The following GPC6 variants were observed in gnomAD, a reference collection of about 807,000 sequenced individuals.
GPC6 encodes the protein glypican 6.
A neutral mutation model predicts 55.2 loss-of-function variants in GPC6; 14 were observed. The ratio of observed to expected loss-of-function variants is 0.25; its 90% CI spans 0.17 to 0.40. GPC6 has a LOEUF of 0.40. Among genes scored for constraint, GPC6 ranks in the 10% least tolerant of loss-of-function variants. The probability of loss-of-function intolerance (pLI) is 1.00; values close to 1 mark genes in which losing one functional copy is unlikely to be tolerated. For missense variants in GPC6, 641 were observed against 708.5 expected, an observed-to-expected ratio of 0.90 and a Z score of 1.08; for synonymous variants, 278 against 259.6, an observed-to-expected ratio of 1.07 and a Z score of -0.68.
At chr13:93,739,148 C>T (rs536069216) in intron 2 of GPC6, among the ~76,000 whole-genome samples, 168 of 152,222 alleles carry the variant, frequency 1.1e-3, no homozygotes, top group African/African-American at 4.0e-3. Context: ...CCCGCAGTGC[C>T]TTTCCCATTA....
chr13:94,133,288 A>AAAAAAC (rs1566447239), intron 4 of GPC6, among the ~76,000 whole-genome samples: 10 of 127,440 alleles, frequency 7.8e-5, no homozygotes, highest in African/African-American at 1.7e-4. Context: ...AAAAAAAAAA[A>AAAAAAC]AAAACCTTAA....
intron 3 of GPC6, among the ~76,000 whole-genome samples, chr13:93,995,224 G>T (rs1348105729): frequency 6.7e-6 from 1 of 149,394 alleles, no homozygotes; most frequent in African/African-American, 2.5e-5. Context: ...GTCTCGCTGT[G>T]TCGCCCAGGC....
intron 2 of GPC6, among the ~76,000 whole-genome samples, chr13:93,654,893 G>A (rs1566471026): frequency 6.7e-6 from 1 of 149,040 alleles, no homozygotes; most frequent in Non-Finnish European, 1.5e-5. Context: ...CTGGAGTGCA[G>A]TGGCGCGATC....
At chr13:93,399,189 G>A (rs113242751) in intron 1 of GPC6, among the ~76,000 whole-genome samples, 7 of 152,274 alleles carry the variant, frequency 4.6e-5, no homozygotes, top group African/African-American at 7.2e-5. Flanking sequence ...TTGATGGTGC[G>A]TGTTCTGAAT....
At chr13:93,918,061 G>A (rs1316038807) in intron 3 of GPC6, among the ~76,000 whole-genome samples, 3 of 150,846 alleles carry the variant, frequency 2.0e-5, no homozygotes, top group African/African-American at 7.3e-5. Context: ...CATGCCACTG[G>A]ACTTCATCCT....
At chr13:94,292,148 A>T (rs144256299) in intron 5 of GPC6, among the ~76,000 whole-genome samples, 20 of 152,342 alleles carry the variant, frequency 1.3e-4, no homozygotes, top group African/African-American at 4.8e-4. Context: ...TTTCGCAAAG[A>T]CAGAAAAGTT....
chr13:94,079,855 C>T (rs1885045650), intron 4 of GPC6, among the ~76,000 whole-genome samples: 1 of 152,184 alleles, frequency 6.6e-6, no homozygotes, highest in Non-Finnish European at 1.5e-5. Context: ...ATCTTTACTT[C>T]CCCAGCTTGT....
At chr13:93,744,510 A>T (rs956127783) in intron 2 of GPC6, among the ~76,000 whole-genome samples, 1 of 138,978 alleles carries the variant, frequency 7.2e-6, no homozygotes, top group Non-Finnish European at 1.5e-5. Flanking sequence ...GTCTTCCTCC[A>T]AACCTGCTTT....
At chr13:93,728,006 C>G (rs997808243) in intron 2 of GPC6, among the ~76,000 whole-genome samples, 1 of 152,234 alleles carries the variant, frequency 6.6e-6, no homozygotes, top group Non-Finnish European at 1.5e-5. Flanking sequence ...ACCCTCTTCA[C>G]TCCCATCAAC....
intron 2 of GPC6, among the ~76,000 whole-genome samples, chr13:93,734,388 G>A (rs113609253): frequency 8.5e-5 from 13 of 152,142 alleles, no homozygotes; most frequent in Non-Finnish European, 1.8e-4. Context: ...AGACATGGTA[G>A]AACCTGAGCA....
intron 5 of GPC6, among the ~76,000 whole-genome samples, chr13:94,299,191 T>C (rs898247403): frequency 6.6e-5 from 10 of 151,326 alleles, no homozygotes; most frequent in Admixed American, 6.5e-4. Flanking sequence ...TTAGATTTGA[T>C]TTATTAACCA....
chr13:93,523,859 A>G (rs1052654764), intron 1 of GPC6, among the ~76,000 whole-genome samples: 6 of 152,004 alleles, frequency 3.9e-5, no homozygotes, highest in Non-Finnish European at 7.4e-5. Flanking sequence ...ACATCTCCCC[A>G]TAGACCAGGT....
intron 1 of GPC6, among the ~76,000 whole-genome samples, chr13:93,319,490 T>C (rs890209345): frequency 1.3e-5 from 2 of 152,114 alleles, no homozygotes; most frequent in African/African-American, 4.8e-5. Context: ...GCTATTACTG[T>C]CAGAGCTAAT....
chr13:93,972,973 GTC>G (rs144858036), intron 3 of GPC6, among the ~76,000 whole-genome samples: 2 of 141,496 alleles, frequency 1.4e-5, no homozygotes, highest in Non-Finnish European at 1.6e-5. Context: ...CTCCCTCTCT[GTC>G]TCTCTCTCTC....
chr13:93,267,911 TA>T (rs999843052), intron 1 of GPC6, among the ~76,000 whole-genome samples: 4 of 152,210 alleles, frequency 2.6e-5, no homozygotes, highest in Non-Finnish European at 2.9e-5. Flanking sequence ...AATGTGTCAT[TA>T]TAGCTCTCTC....
At chr13:93,727,998 C>T (rs1338306284) in intron 2 of GPC6, among the ~76,000 whole-genome samples, 1 of 152,018 alleles carries the variant, frequency 6.6e-6, no homozygotes, top group Non-Finnish European at 1.5e-5. Context: ...CAGCTGAAAC[C>T]CTCTTCACTC....
At chr13:93,946,517 T>C (rs1166128332) in intron 3 of GPC6, among the ~76,000 whole-genome samples, 1 of 152,186 alleles carries the variant, frequency 6.6e-6, no homozygotes, top group African/African-American at 2.4e-5. Context: ...GCTTACAAAA[T>C]TCATGAAAAT....
At chr13:94,280,717 G>A (rs940425395) in intron 4 of GPC6, among the ~76,000 whole-genome samples, 9 of 152,098 alleles carry the variant, frequency 5.9e-5, no homozygotes, top group African/African-American at 2.2e-4. Context: ...TCTCAGTGGG[G>A]AAAATATCTT....
At chr13:93,284,485 T>C (rs1337248783) in intron 1 of GPC6, among the ~76,000 whole-genome samples, 2 of 152,194 alleles carry the variant, frequency 1.3e-5, no homozygotes, top group African/African-American at 2.4e-5. Context: ...ACTGTAGTCA[T>C]TTGGTATTCT....
Sources: allele counts gnomAD v4.1 joint callset (sites outside exome capture counted in the v4.1 genomes callset), GRCh38; gene constraint gnomAD v4.1.1; transcripts MANE v1.5; gene names NCBI Gene and HGNC (gene_info 2026-07-23, HGNC 2026-07-21).